CACNB2: variants seen among roughly 807,000 people sequenced by gnomAD.
CACNB2 encodes the protein voltage-dependent L-type calcium channel subunit beta-2.
CACNB2 carries 42 observed loss-of-function variants against 73.3 expected under a neutral mutation model. That is an observed-to-expected ratio of 0.57 (90% CI 0.45 to 0.74). CACNB2 has a LOEUF of 0.74. CACNB2 is among the 30% of genes least tolerant of loss of function. The pLI is 0.00. For synonymous variants in CACNB2, 348 were observed against 310.3 expected, an observed-to-expected ratio of 1.12 and a Z score of -1.28; for missense variants, 940 against 853.0, an observed-to-expected ratio of 1.10 and a Z score of -1.27.
intron 2 of CACNB2, among the ~76,000 whole-genome samples, chr10:18,298,466 G>T (rs2039370145): frequency 6.6e-6 from 1 of 152,206 alleles, no homozygotes; most frequent in South Asian, 2.1e-4. Flanking sequence ...GTTGATCTAT[G>T]TCATAGATCA....
At chr10:18,529,742 T>C (rs1039746012) in intron 10 of CACNB2, among the ~76,000 whole-genome samples, 1 of 152,220 alleles carries the variant, frequency 6.6e-6, no homozygotes, top group Non-Finnish European at 1.5e-5. Context: ...GGAGCTTATT[T>C]CTATTAGTCT....
intron 2 of CACNB2, among the ~76,000 whole-genome samples, chr10:18,377,177 AG>A (rs1347787301): frequency 6.6e-6 from 1 of 152,210 alleles, no homozygotes; most frequent in Non-Finnish European, 1.5e-5. Context: ...TACCAGTTTA[AG>A]TGTAAATAAT....
chr10:18,485,127 G>C (rs536256305), intron 3 of CACNB2, among the ~76,000 whole-genome samples: 6 of 152,310 alleles, frequency 3.9e-5, no homozygotes, highest in Non-Finnish European at 5.9e-5. Flanking sequence ...GTGTGACAGA[G>C]TGAGACCCTG....
intron 3 of CACNB2, among the ~76,000 whole-genome samples, chr10:18,405,275 T>C (rs984382460): frequency 7.2e-5 from 11 of 152,138 alleles, no homozygotes; most frequent in Non-Finnish European, 2.9e-5. Flanking sequence ...TCCCCAACCA[T>C]CTCCCTGTCC....
At chr10:18,527,492 T>C in intron 9 of CACNB2, 96 bp from the exon 10 acceptor site, 3 of 792,952 alleles carry the variant, frequency 3.8e-6, no homozygotes, top group South Asian at 2.7e-5. Flanking sequence ...GGTTGCTATA[T>C]ATATTTCATA....
At chr10:18,220,232 T>TATATATATATATAG (rs1488872721) in intron 2 of CACNB2, among the ~76,000 whole-genome samples, 1 of 25,094 alleles carries the variant, frequency 4.0e-5, no homozygotes, top group African/African-American at 2.4e-4. Context: ...TATATATATA[T>TATATATATATATAG]AGAGAGAGAG....
At chr10:18,502,680 A>T (rs2050262098) in intron 5 of CACNB2, among the ~76,000 whole-genome samples, 1 of 117,576 alleles carries the variant, frequency 8.5e-6, no homozygotes. Context: ...ACAGAGCAAG[A>T]CTCCATCTCA....
At chr10:18,538,837 G>GT (rs2053864649) in intron 13 of CACNB2, among the ~76,000 whole-genome samples, 1 of 152,132 alleles carries the variant, frequency 6.6e-6, no homozygotes, top group Non-Finnish European at 1.5e-5. Context: ...ACTGTATCAG[G>GT]TAAGCATTTG....
chr10:18,150,779 C>T, intron 1 of CACNB2, 104 bp from the exon 2 acceptor site: 1 of 683,774 alleles, frequency 1.5e-6, no homozygotes, highest in Non-Finnish European at 2.4e-6. Flanking sequence ...CAATGTATTA[C>T]TTGTTTTTGG....
At chr10:18,466,873 A>T (rs938199944) in intron 3 of CACNB2, among the ~76,000 whole-genome samples, 3 of 152,120 alleles carry the variant, frequency 2.0e-5, no homozygotes, top group Non-Finnish European at 4.4e-5. Context: ...GAATAGGATG[A>T]GGCTGGGTGT....
chr10:18,164,079 A>G (rs2032669213), intron 2 of CACNB2, among the ~76,000 whole-genome samples: 1 of 152,200 alleles, frequency 6.6e-6, no homozygotes, highest in South Asian at 2.1e-4. Context: ...CAAGGTTATT[A>G]CAGAGTTTTG....
chr10:18,412,233 A>G (rs2044674294), intron 3 of CACNB2, among the ~76,000 whole-genome samples: 1 of 152,208 alleles, frequency 6.6e-6, no homozygotes, highest in South Asian at 2.1e-4. Context: ...AAAGCAAGTC[A>G]CCGGCCTAAG....
At chr10:18,167,648 C>T (rs915902311) in intron 2 of CACNB2, among the ~76,000 whole-genome samples, 7 of 151,962 alleles carry the variant, frequency 4.6e-5, no homozygotes, top group South Asian at 4.2e-4. Context: ...CCTGCATGAT[C>T]GGGGGAAGTT....
chr10:18,534,234 A>AAGTC lies in CACNB2; in HGVS notation c.1206+7_1206+8insAGTC. The AAGTC allele has an allele frequency of 6.2e-7, 1 of 1,609,308 alleles. No individual in the cohort carries two copies. The highest frequency in any genetic ancestry group is 1.7e-5 in the Admixed American group (1 of 60,016). On this transcript the variant is annotated splice_region_variant and intron_variant, in intron 11 of 13. Coordinates refer to ENST00000324631, the MANE Select transcript of CACNB2 (RefSeq NM_201596.3). ...AAAGATTTCTTCTCCTAAGGTAAGT[A>AAGTC]GGACTGCTACTGTTTGCTCTATAAT... is the stretch of plus-strand genomic sequence containing the variant.
At chr10:18,490,400 T>C (rs919658329) in intron 3 of CACNB2, among the ~76,000 whole-genome samples, 47 of 152,230 alleles carry the variant, frequency 3.1e-4, no homozygotes, top group African/African-American at 1.1e-3. Context: ...TACCAGAAAC[T>C]GGAAAAGGAA....
Position 18,463,188 on chromosome 10 carries a change from C to G in CACNB2, c.334-35167C>G, listed in dbSNP as rs78724918. Among the ~76,000 whole-genome samples, 626 of 152,300 alleles carry G rather than the reference C, an allele frequency of 4.1e-3. 3 individuals are homozygous for G. The highest frequency in any genetic ancestry group is 5.5e-3 in the Non-Finnish European group (372 of 68,020). ...TCTGTGCCCCTTGTGTGTTCTCCTTCTTCCCTCCTGTTAGAAGAAGCATCT... is the reference window on the plus strand; with the variant it reads ...TCTGTGCCCCTTGTGTGTTCTCCTTGTTCCCTCCTGTTAGAAGAAGCATCT... On this transcript the variant is annotated intron_variant, in intron 3 of 13. Coordinates refer to ENST00000324631, the MANE Select transcript of CACNB2 (RefSeq NM_201596.3).
At position 18,526,046 on chromosome 10, in the gene CACNB2, G is replaced by A. The variant is rs75290051; in HGVS notation, c.945-1542G>A. ...GAAGATGCCTGACAAACTGTCCTGT[G>A]CTCAAATTTTAAAATAAGGCATAAA... On this transcript the variant is annotated intron_variant, in intron 9 of 13. Transcript: ENST00000324631. Among the ~76,000 whole-genome samples the A allele has an allele frequency of 3.9e-3, 595 of 152,206 alleles. 6 individuals are homozygous for A. The highest frequency in any genetic ancestry group is 0.014 in the African/African-American group (569 of 41,516).
At chr10:18,524,740 G>A (rs570800043) in intron 9 of CACNB2, among the ~76,000 whole-genome samples, 3 of 149,332 alleles carry the variant, frequency 2.0e-5, no homozygotes, top group African/African-American at 7.4e-5. Context: ...AAAAAGTATA[G>A]TAGGCTGGGT....
At chr10:18,366,309 C>A (rs560397774) in intron 2 of CACNB2, among the ~76,000 whole-genome samples, 2 of 150,516 alleles carry the variant, frequency 1.3e-5, no homozygotes, top group East Asian at 4.1e-4. Flanking sequence ...ACTAAAAATA[C>A]AAAAAATTAG....
Sources: gnomAD v4.1 joint callset for allele counts (sites outside exome capture counted in the v4.1 genomes callset) on GRCh38, gnomAD v4.1.1 for gene constraint, MANE v1.5 for transcripts, NCBI Gene and HGNC (gene_info 2026-07-23, HGNC 2026-07-21) for gene names.